The following C12orf76 variants were observed in gnomAD, a reference collection of about 807,000 sequenced individuals.
The protein encoded by C12orf76 is uncharacterized protein C12orf76.
A neutral mutation model predicts 6.8 loss-of-function variants in C12orf76; 6 were observed. The observed-to-expected ratio is 0.88, with a 90% CI of 0.48 to 1.73. C12orf76 has a LOEUF of 1.73. Ranked by LOEUF, C12orf76 falls within the 40% of genes most tolerant of loss-of-function variation. C12orf76 has a pLI of 0.01. For synonymous variants in C12orf76, 56 were observed against 43.7 expected, an observed-to-expected ratio of 1.28 and a Z score of -1.11; for missense variants, 99 against 98.2, an observed-to-expected ratio of 1.01 and a Z score of -0.03.
upstream of C12orf76, chr12:110,051,135 C>T: frequency 1.3e-6 from 1 of 780,602 alleles, no homozygotes. Flanking sequence ...GCTCTTTCCA[C>T]TGGTACAGCT....
intron 2 of C12orf76, chr12:110,065,827 GC>G: frequency 1.2e-6 from 2 of 1,613,940 alleles, no homozygotes; most frequent in East Asian, 2.2e-5. Context: ...CCCCTGTCCT[GC>G]CCCCTGGTCT....
intron 2 of C12orf76, among the ~76,000 whole-genome samples, chr12:110,060,843 C>T (rs1892759283): frequency 6.6e-6 from 1 of 152,076 alleles, no homozygotes; most frequent in South Asian, 2.1e-4. Context: ...CAAGACCAGC[C>T]TGCCCAACAT....
chr12:110,068,274 G>GAAGA (rs1892908707), upstream of C12orf76, among the ~76,000 whole-genome samples: 1 of 133,548 alleles, frequency 7.5e-6, no homozygotes, highest in African/African-American at 2.7e-5. Flanking sequence ...AGAAGAAGAA[G>GAAGA]AAGAAGAAGA....
chr12:110,072,477 A>G (rs1019089768), upstream of C12orf76, among the ~76,000 whole-genome samples: 1 of 151,998 alleles, frequency 6.6e-6, no homozygotes, highest in African/African-American at 2.4e-5. Flanking sequence ...ATGATGGCAA[A>G]GGAGTGTGGG....
upstream of C12orf76, among the ~76,000 whole-genome samples, chr12:110,071,872 G>A (rs1410820682): frequency 6.6e-6 from 1 of 152,178 alleles, no homozygotes; most frequent in African/African-American, 2.4e-5. Context: ...GAATGTAAAA[G>A]GGTGCAGCTG....
chr12:110,051,336 A>C, upstream of C12orf76: 2 of 691,074 alleles, frequency 2.9e-6, no homozygotes, highest in Non-Finnish European at 5.3e-6. Flanking sequence ...TGCCTCATGA[A>C]TTGTGAGGAT....
chr12:110,041,245 A>G lies in C12orf76; in HGVS notation c.*1129T>C, dbSNP rs1294509494. The G allele has an allele frequency of 2.0e-5, 3 of 152,632 alleles. No individual in the cohort carries two copies. Among genetic ancestry groups the G allele is most frequent in the African/African-American group, 4.8e-5 (2 of 41,464 alleles). 9.5% of individuals were successfully genotyped at this position (152,632 alleles called of 1,614,324 possible). A position where few individuals can be genotyped will look rare whatever the true frequency, so the allele number is the denominator to read the frequency against. ...AAGAACTGAACATTTCAATGGTTCA[A>G]TGTTACAAGATTACAAACAAAATCC... On this transcript the variant is annotated 3_prime_UTR_variant, in exon 2 of 2. Transcript: ENST00000615315.
At chr12:110,044,027 A>AAAAAG (rs1255140110) in intron 1 of C12orf76, 1 of 129,762 alleles carries the variant, frequency 7.7e-6, no homozygotes, top group African/African-American at 4.0e-5. Context: ...CAAAAAAAAA[A>AAAAAG]AAATAAAGAA....
intron 4 of C12orf76, among the ~76,000 whole-genome samples, chr12:110,056,493 C>G (rs1157306625): frequency 6.6e-6 from 1 of 151,942 alleles, no homozygotes; most frequent in Admixed American, 6.6e-5. Flanking sequence ...TGCCTATAGT[C>G]ACAGCTACTC....
At chr12:110,057,532 T>C (rs1892690028) in intron 3 of C12orf76, among the ~76,000 whole-genome samples, 1 of 152,148 alleles carries the variant, frequency 6.6e-6, no homozygotes, top group South Asian at 2.1e-4. Context: ...CCTGGTCCTC[T>C]AGGCCATGGT....
chr12:110,069,732 C>G (rs1191630860), upstream of C12orf76, among the ~76,000 whole-genome samples: 4 of 152,136 alleles, frequency 2.6e-5, no homozygotes, highest in Non-Finnish European at 5.9e-5. Context: ...GGAGGGAACC[C>G]CCAGATGCAA....
intron 2 of C12orf76, chr12:110,065,792 C>A: frequency 6.2e-7 from 1 of 1,613,834 alleles, no homozygotes; most frequent in Non-Finnish European, 8.5e-7. Flanking sequence ...CTTCCCATGG[C>A]ACTGAAAATC....
chr12:110,072,400 G>C (rs1411990628), upstream of C12orf76, among the ~76,000 whole-genome samples: 1 of 152,152 alleles, frequency 6.6e-6, no homozygotes, highest in African/African-American at 2.4e-5. Flanking sequence ...GAAATGTCCA[G>C]AATAGGTAAA....
At chr12:110,070,461 G>A (rs986668851), upstream of C12orf76, among the ~76,000 whole-genome samples, 2 of 152,050 alleles carry the variant, frequency 1.3e-5, no homozygotes, top group Non-Finnish European at 2.9e-5. Context: ...AGCTACTTGG[G>A]AGGATGAGGC....
exon 1 of C12orf76, chr12:110,073,515 ACAT>A: frequency 1.9e-6 from 1 of 521,184 alleles, no homozygotes; most frequent in Non-Finnish European, 3.8e-6. Flanking sequence ...ATACAGGAAA[ACAT>A]CACTGCAGCT....
At chr12:110,062,814 T>C (rs1892795264) in intron 2 of C12orf76, among the ~76,000 whole-genome samples, 1 of 147,370 alleles carries the variant, frequency 6.8e-6, no homozygotes, top group African/African-American at 2.5e-5. Flanking sequence ...TTTTTTTTTT[T>C]TTAGAGATGG....
upstream of C12orf76, among the ~76,000 whole-genome samples, chr12:110,068,632 T>C (rs532031290): frequency 9.8e-5 from 15 of 152,340 alleles, 1 homozygote; most frequent in African/African-American, 3.1e-4. Context: ...CTGAACTTAG[T>C]TGTGAGAATA....
chr12:110,065,840 G>A (rs1892849542), intron 2 of C12orf76: 2 of 1,613,982 alleles, frequency 1.2e-6, no homozygotes, highest in South Asian at 1.1e-5. Context: ...CCCTGGTCTG[G>A]CTCTACCCTC....
At chr12:110,067,399 G>A in intron 1 of C12orf76, 1 of 985,276 alleles carries the variant, frequency 1.0e-6, no homozygotes, top group Non-Finnish European at 1.2e-6. Context: ...GCCCAGACAA[G>A]CCAGGACTAG....
Sources: allele counts gnomAD v4.1 joint callset (sites outside exome capture counted in the v4.1 genomes callset), GRCh38; gene constraint gnomAD v4.1.1; transcripts MANE v1.5; gene names NCBI Gene and HGNC (gene_info 2026-07-23, HGNC 2026-07-21).